DMXL2: variants seen among roughly 807,000 people sequenced by gnomAD.
The protein encoded by DMXL2 is Dmx like 2.
In DMXL2, 103 loss-of-function variants were observed where a neutral mutation model predicts 331.1. That is an observed-to-expected ratio of 0.31 (90% CI 0.27 to 0.37). DMXL2 has a LOEUF of 0.37. DMXL2 is among the 10% of genes least tolerant of loss of function. The probability of loss-of-function intolerance (pLI) is 1.00; values close to 1 mark genes in which losing one functional copy is unlikely to be tolerated. For synonymous variants in DMXL2, 1,281 were observed against 1,252.1 expected, an observed-to-expected ratio of 1.02 and a Z score of -0.49; for missense variants, 3,171 against 3,642.9, an observed-to-expected ratio of 0.87 and a Z score of 3.33.
intron 1 of DMXL2, among the ~76,000 whole-genome samples, chr15:51,601,428 A>G (rs983852372): frequency 1.3e-5 from 2 of 151,886 alleles, no homozygotes; most frequent in South Asian, 4.2e-4. Flanking sequence ...TCTCTAATCT[A>G]CTTGGAGTTA....
chr15:51,599,770 G>A (rs2053097337), intron 1 of DMXL2, among the ~76,000 whole-genome samples: 1 of 151,532 alleles, frequency 6.6e-6, no homozygotes, highest in Admixed American at 6.6e-5. Flanking sequence ...TGCCATCTTG[G>A]CTCACTGCAA....
intron 5 of DMXL2, among the ~76,000 whole-genome samples, chr15:51,563,766 A>C (rs2050108061): frequency 6.6e-6 from 1 of 152,108 alleles, no homozygotes. Flanking sequence ...TCTTCGTCAC[A>C]TAATCTATAT....
intron 1 of DMXL2, among the ~76,000 whole-genome samples, chr15:51,607,886 C>T (rs993982015): frequency 6.6e-6 from 1 of 152,236 alleles, no homozygotes; most frequent in African/African-American, 2.4e-5. Flanking sequence ...GACAGCAAAA[C>T]GGCCTTTCAA....
At chr15:51,449,339 G>T in intron 43 of DMXL2, 146 bp from the exon 44 acceptor site, 1 of 682,488 alleles carries the variant, frequency 1.5e-6, no homozygotes, top group Non-Finnish European at 2.5e-6. Context: ...ATCTAAGTGG[G>T]AAATGATAAC....
intron 29 of DMXL2, among the ~76,000 whole-genome samples, chr15:51,468,216 A>G (rs2040773608): frequency 6.6e-6 from 1 of 152,206 alleles, no homozygotes; most frequent in Non-Finnish European, 1.5e-5. Context: ...TGTAGTTTCT[A>G]AATATAATTT....
At chr15:51,478,464 T>G in intron 25 of DMXL2, 117 bp from the exon 26 acceptor site, 1 of 780,692 alleles carries the variant, frequency 1.3e-6, no homozygotes, top group Non-Finnish European at 2.1e-6. Flanking sequence ...GACTGAATCC[T>G]AGATGAGACT....
intron 1 of DMXL2, among the ~76,000 whole-genome samples, chr15:51,618,395 T>C (rs965921447): frequency 6.6e-6 from 1 of 152,146 alleles, no homozygotes; most frequent in African/African-American, 2.4e-5. Flanking sequence ...GGTTGATCAT[T>C]TTCAAGGTTT....
intron 15 of DMXL2, among the ~76,000 whole-genome samples, chr15:51,509,776 T>A (rs907092140): frequency 1.3e-5 from 2 of 152,044 alleles, no homozygotes; most frequent in Non-Finnish European, 2.9e-5. Flanking sequence ...CAGGCCAATA[T>A]CCCTGATGAA....
At chr15:51,559,818 G>A (rs558470033) in intron 6 of DMXL2, among the ~76,000 whole-genome samples, 1 of 152,316 alleles carries the variant, frequency 6.6e-6, no homozygotes, top group East Asian at 1.9e-4. Context: ...CACTGGCTAG[G>A]AGCAACAGGA....
chr15:51,543,068 A>C (rs1029577148), intron 8 of DMXL2, among the ~76,000 whole-genome samples: 3 of 152,180 alleles, frequency 2.0e-5, no homozygotes, highest in Admixed American at 6.6e-5. Flanking sequence ...ATTGTTTTAA[A>C]CAATTTGCAA....
chr15:51,555,696 A>G (rs543588104), intron 6 of DMXL2, among the ~76,000 whole-genome samples: 2 of 152,332 alleles, frequency 1.3e-5, no homozygotes, highest in African/African-American at 4.8e-5. Flanking sequence ...TATTATAGAT[A>G]TTAAAAGATA....
At position 51,596,837 on chromosome 15, in the gene DMXL2, C is replaced by T. The variant is rs185972483; in HGVS notation, c.88-20656G>A. Among the ~76,000 whole-genome samples, 1,258 of 152,166 alleles carry T rather than the reference C, an allele frequency of 8.3e-3. 5 individuals are homozygous for T. The highest frequency in any genetic ancestry group is 0.013 in the Non-Finnish European group (863 of 68,000). ...ATCGCAAAGACAAAAAACCAAACAC[C>T]GCATGTTCTCACTCATAGGTGGGAA... On this transcript the variant is annotated intron_variant, in intron 1 of 43. Transcript: ENST00000560891.
intron 23 of DMXL2, among the ~76,000 whole-genome samples, chr15:51,485,042 A>AG (rs1477148969): frequency 6.6e-6 from 1 of 151,494 alleles, no homozygotes; most frequent in Admixed American, 6.6e-5. Flanking sequence ...ACCAAAAAAA[A>AG]AAAAAAAAAG....
chr15:51,580,250 A>C (rs2051316476), intron 1 of DMXL2, among the ~76,000 whole-genome samples: 1 of 152,200 alleles, frequency 6.6e-6, no homozygotes, highest in Non-Finnish European at 1.5e-5. Flanking sequence ...CCAGAGGAAG[A>C]ATTTATAGTG....
chr15:51,471,493 T>C, intron 28 of DMXL2, 92 bp from the exon 29 acceptor site: 5 of 1,261,570 alleles, frequency 4.0e-6, no homozygotes, highest in Non-Finnish European at 5.4e-6. Context: ...ACTCTTGCCA[T>C]GTTTTGGTCT....
intron 13 of DMXL2, among the ~76,000 whole-genome samples, chr15:51,519,200 T>C (rs1263712884): frequency 6.6e-6 from 1 of 152,140 alleles, no homozygotes. Context: ...TCTATTGGCC[T>C]CCAACTCCTG....
At position 51,501,432 on chromosome 15, in the gene DMXL2, T is replaced by A. The variant is rs566656748; in HGVS notation, c.2993-1201A>T. Among the ~76,000 whole-genome samples the A allele has an allele frequency of 1.3e-4, 20 of 152,312 alleles. No homozygotes were observed. In the South Asian group the frequency reaches 3.9e-3, roughly 30 times the overall value. On this transcript the variant is annotated intron_variant, in intron 17 of 43. Coordinates refer to ENST00000560891, the MANE Select transcript of DMXL2 (RefSeq NM_001378457.1). ...AGACCACCCAAACTATAGTCTTTTA[T>A]CCTACATTTTTCCTCAGAGTATCTG...
At position 51,476,489 on chromosome 15, in the gene DMXL2, A is replaced by G; in HGVS notation, c.6964+100T>C. 9 of 1,335,344 alleles carry G rather than the reference A, an allele frequency of 6.7e-6. No homozygotes were observed. In the East Asian group the frequency reaches 7.0e-5, roughly 10 times the overall value. The allele number at this position is 1,335,344 out of a possible 1,614,324, so 82.7% of individuals were successfully genotyped here. ...CAAAAAACAAAGAAAGAAAGGAACC[A>G]CTCACTAAATCCAGCAACAAGCAGG... On this transcript the variant is annotated intron_variant, in intron 27 of 43. Transcript: ENST00000560891.
chr15:51,457,008 C>CA (rs1199657949), intron 37 of DMXL2, among the ~76,000 whole-genome samples: 2 of 151,986 alleles, frequency 1.3e-5, no homozygotes, highest in African/African-American at 4.8e-5. Flanking sequence ...CCCATCCCTA[C>CA]AAAAAATACA....
Sources: gnomAD v4.1 joint callset for allele counts (sites outside exome capture counted in the v4.1 genomes callset) on GRCh38, gnomAD v4.1.1 for gene constraint, MANE v1.5 for transcripts, NCBI Gene and HGNC (gene_info 2026-07-23, HGNC 2026-07-21) for gene names.